The following BICRAL variants were observed in gnomAD, a reference collection of about 807,000 sequenced individuals.
BICRAL encodes BRD4-interacting chromatin-remodeling complex-associated protein-like.
BICRAL carries 8 observed loss-of-function variants against 91.8 expected under a neutral mutation model. That is an observed-to-expected ratio of 0.09 (90% CI 0.05 to 0.16). The LOEUF (loss-of-function observed/expected upper bound fraction) is 0.16, where lower values mean the gene tolerates loss of function less well. Among genes scored for constraint, BICRAL ranks in the 10% least tolerant of loss-of-function variants. The pLI is 1.00. For synonymous variants in BICRAL, 445 were observed against 491.1 expected, an observed-to-expected ratio of 0.91 and a Z score of 1.24; for missense variants, 1,038 against 1,310.9, an observed-to-expected ratio of 0.79 and a Z score of 3.21.
rs564638855 is a variant in BICRAL, at chr6:42,843,964, A to ATT, written c.1840-8110_1840-8109dup. On this transcript the variant is annotated intron_variant, in intron 6 of 12. Transcript: ENST00000314073. ...CAGGTGCGCGTCACCATGCCGGCTA[A>ATT]TTTTTTTTTTTTTTTTTTTAGTAGA... Among the ~76,000 whole-genome samples, 827 of 132,208 alleles carry ATT rather than the reference A, an allele frequency of 6.3e-3. 3 individuals are homozygous for ATT. The highest frequency in any genetic ancestry group is 0.02 in the African/African-American group (715 of 35,944). The allele number at this position is 132,208 out of a possible 152,430, so 86.7% of individuals were successfully genotyped here.
intron 1 of BICRAL, among the ~76,000 whole-genome samples, chr6:42,785,146 T>TA (rs1250049041): frequency 6.6e-6 from 1 of 152,172 alleles, no homozygotes; most frequent in African/African-American, 2.4e-5. Context: ...CCTAAGACTT[T>TA]AAAATCTCAG....
chr6:42,835,421 G>C (rs1764610926), intron 6 of BICRAL, among the ~76,000 whole-genome samples: 1 of 152,016 alleles, frequency 6.6e-6, no homozygotes, highest in East Asian at 1.9e-4. Flanking sequence ...GAGCCACCAT[G>C]CCTGGCCTGT....
intron 10 of BICRAL, among the ~76,000 whole-genome samples, chr6:42,859,799 G>A (rs565641304): frequency 2.4e-3 from 363 of 151,828 alleles, no homozygotes; most frequent in Non-Finnish European, 3.9e-3. Flanking sequence ...CCGCCACCAC[G>A]CCCAGCTAAT....
chr6:42,793,732 C>T (rs1277470238), intron 1 of BICRAL, among the ~76,000 whole-genome samples: 5 of 149,082 alleles, frequency 3.4e-5, no homozygotes, highest in East Asian at 2.0e-4. Context: ...ATGTTTTTGG[C>T]GCTACTTCTA....
rs562495742 is a variant in BICRAL, at chr6:42,866,701, T to G, written c.*1255T>G. The stretch of plus-strand genomic sequence containing the variant: ...GAGAGCCAAAGGATATGCCCTGTCA[T>G]GGTTTCTGTTTGGCCTGTGTTCATA... On this transcript the variant is annotated 3_prime_UTR_variant, in exon 13 of 13. Transcript: ENST00000314073. 2.4e-6 allele frequency: 1 copy of G among 416,492 alleles called. No individual in the cohort carries two copies. Among genetic ancestry groups the G allele is most frequent in the African/African-American group, 2.0e-5 (1 of 48,806 alleles). The allele number at this position is 416,492 out of a possible 1,614,324, so 25.8% of individuals were successfully genotyped here.
intron 6 of BICRAL, among the ~76,000 whole-genome samples, chr6:42,847,137 C>G (rs1199575275): frequency 6.6e-6 from 1 of 152,184 alleles, no homozygotes; most frequent in Non-Finnish European, 1.5e-5. Context: ...ATAGTCCCAG[C>G]TACTCAGGAG....
chr6:42,825,379 A>G (rs1764265529), intron 5 of BICRAL, among the ~76,000 whole-genome samples: 1 of 150,986 alleles, frequency 6.6e-6, no homozygotes, highest in Non-Finnish European at 1.5e-5. Context: ...CCTGGCTAAC[A>G]CGGTGAAACC....
At chr6:42,799,452 G>A (rs181929019) in intron 1 of BICRAL, among the ~76,000 whole-genome samples, 48 of 151,954 alleles carry the variant, frequency 3.2e-4, no homozygotes, top group Admixed American at 1.8e-3. Flanking sequence ...GTGCCACCAC[G>A]CCCGGCTAGT....
intron 1 of BICRAL, among the ~76,000 whole-genome samples, chr6:42,800,422 C>G (rs567089831): frequency 5.9e-5 from 9 of 152,294 alleles, no homozygotes; most frequent in Non-Finnish European, 7.3e-5. Flanking sequence ...CTTCGGCCCC[C>G]CAAAGTGCTG....
At chr6:42,830,261 C>T in intron 6 of BICRAL, 89 bp downstream of exon 6, 2 of 1,386,184 alleles carry the variant, frequency 1.4e-6, no homozygotes, top group Non-Finnish European at 2.0e-6. Flanking sequence ...TCATCCTAGG[C>T]ATCCAATTTC....
chr6:42,839,868 A>T (rs1257816819), intron 6 of BICRAL, among the ~76,000 whole-genome samples: 1 of 152,286 alleles, frequency 6.6e-6, no homozygotes, highest in East Asian at 1.9e-4. Context: ...AAGACACTGT[A>T]GGACTGCCTT....
chr6:42,782,714 C>T (rs1396870911), intron 1 of BICRAL, among the ~76,000 whole-genome samples: 5 of 151,162 alleles, frequency 3.3e-5, no homozygotes, highest in East Asian at 2.0e-4. Context: ...GTTGTGTGCG[C>T]GAGTGTGAGT....
chr6:42,820,214 A>G (rs966154221), intron 2 of BICRAL, among the ~76,000 whole-genome samples: 6 of 152,074 alleles, frequency 3.9e-5, no homozygotes, highest in Non-Finnish European at 8.8e-5. Context: ...GGAAGCTGGG[A>G]GAGTTGTGGA....
At chr6:42,864,172 A>C (rs1765639128) in intron 12 of BICRAL, among the ~76,000 whole-genome samples, 1 of 151,858 alleles carries the variant, frequency 6.6e-6, no homozygotes, top group South Asian at 2.1e-4. Flanking sequence ...CGTCTCAAAA[A>C]AAAAAAAAAA....
chr6:42,781,596 G>GGTGTGT (rs61437847), upstream of BICRAL, among the ~76,000 whole-genome samples: 2,645 of 103,356 alleles, frequency 0.026, 56 homozygotes, highest in Middle Eastern at 0.034. Flanking sequence ...TGGGTGGGTG[G>GGTGTGT]GTGTGTGTGT....
At chr6:42,790,002 TC>T (rs1763221476) in intron 1 of BICRAL, among the ~76,000 whole-genome samples, 1 of 149,198 alleles carries the variant, frequency 6.7e-6, no homozygotes. Context: ...CTGTTAGAGA[TC>T]AGCAATATCT....
intron 2 of BICRAL, among the ~76,000 whole-genome samples, chr6:42,818,649 T>A (rs1423727016): frequency 6.6e-6 from 1 of 151,804 alleles, no homozygotes; most frequent in African/African-American, 2.4e-5. Context: ...ACTCCAAGAT[T>A]GTTAAAAAAA....
In BICRAL at chr6:42,768,100, G is replaced by T. The variant is rs577775868; in HGVS notation, c.-260-13739G>T. ...GGATTGGAGTAGGGGAAGTGCCATT[G>T]GGAGGCTATTGTAATGTTTCACTGG... On this transcript the variant is annotated intron_variant, in intron 1 of 14. Transcript: ENST00000614467. Among the ~76,000 whole-genome samples the T allele has an allele frequency of 2.6e-5, 4 of 152,258 alleles. No homozygotes were observed. The South Asian group carries it at 8.3e-4, about 32-fold the overall frequency.
intron 6 of BICRAL, among the ~76,000 whole-genome samples, chr6:42,847,900 C>A (rs1476261260): frequency 2.0e-5 from 3 of 152,118 alleles, no homozygotes; most frequent in Admixed American, 2.0e-4. Flanking sequence ...AAGGCCGAGG[C>A]GGGCGGATCA....
Sources: gnomAD v4.1 joint callset for allele counts (sites outside exome capture counted in the v4.1 genomes callset) on GRCh38, gnomAD v4.1.1 for gene constraint, MANE v1.5 for transcripts, NCBI Gene and HGNC (gene_info 2026-07-23, HGNC 2026-07-21) for gene names.